MON1B: variants seen among roughly 807,000 people sequenced by gnomAD.
MON1B encodes the protein vacuolar fusion protein MON1 homolog B.
Under a neutral mutation model 45.1 loss-of-function variants are expected in MON1B, and 26 were observed. The observed-to-expected ratio is 0.58, with a 90% CI of 0.42 to 0.80. The LOEUF (loss-of-function observed/expected upper bound fraction) is 0.80, where lower values mean the gene tolerates loss of function less well. Among genes scored for constraint, MON1B ranks in the 30% least tolerant of loss-of-function variants. MON1B has a pLI of 0.00. For missense variants in MON1B, 737 were observed against 754.5 expected, an observed-to-expected ratio of 0.98 and a Z score of 0.27; for synonymous variants, 395 against 320.2, an observed-to-expected ratio of 1.23 and a Z score of -2.49.
chr16:77,194,028 C>T lies in MON1B; in HGVS notation c.475+251C>T. The T allele has an allele frequency of 1.7e-6, 1 of 600,628 alleles. No homozygotes were observed. The allele number at this position is 600,628 out of a possible 1,614,324, so 37.2% of individuals were successfully genotyped here. Reference sequence around the variant, plus strand: ...ACTTCTGTGTCACCTGAGAGGATAACTGTGGGGGCTGTGTGGTTGAGCTGT... The same window carrying T: ...ACTTCTGTGTCACCTGAGAGGATAATTGTGGGGGCTGTGTGGTTGAGCTGT... On this transcript the variant is annotated intron_variant, in intron 3 of 5. Transcript: ENST00000248248. The surrounding 1 kb of genome is among the most constrained non-coding windows in gnomAD (Gnocchi z 8.1).
chr16:77,196,287 T>C (rs1209528196), intron 5 of MON1B, among the ~76,000 whole-genome samples: 1 of 146,430 alleles, frequency 6.8e-6, no homozygotes, highest in Non-Finnish European at 1.5e-5. Flanking sequence ...AGGCTAAGAA[T>C]TTTGTTTTTA....
rs2054641024 is a variant in MON1B, at chr16:77,194,244, T to C, written c.476-91T>C. 1 of 1,163,620 alleles carries C rather than the reference T, an allele frequency of 8.6e-7. No individual in the cohort carries two copies. Among genetic ancestry groups the C allele is most frequent in the Admixed American group, 1.7e-5 (1 of 59,326 alleles). The allele number at this position is 1,163,620 out of a possible 1,614,324, so 72.1% of individuals were successfully genotyped here. A position where few individuals can be genotyped will look rare whatever the true frequency, so the allele number is the denominator to read the frequency against. On this transcript the variant is annotated intron_variant, in intron 3 of 5. Transcript: ENST00000248248. This position sits in a 1 kb window ranked among gnomAD's most constrained non-coding sequence, Gnocchi z 8.1. ...CATGTGGACTCGGGCCTGGTGTGTGTATGGTAGGAGAGGGCAGAAGAGCCC... is the reference window on the plus strand; with the variant it reads ...CATGTGGACTCGGGCCTGGTGTGTGCATGGTAGGAGAGGGCAGAAGAGCCC...
chr16:77,195,144 C>T lies in MON1B; in HGVS notation c.1285C>T (p.Gln429Ter). Residue 429 changes from glutamine to a stop codon, truncating the protein, a stop_gained, in exon 4 of 6, where the codon CAG becomes TAG. Coordinates refer to ENST00000248248, the MANE Select transcript of MON1B (RefSeq NM_014940.4). LOFTEE classifies it high-confidence loss of function. ...DIPDHHRQLP[Q>*]FTSPELEAPY... The stretch of plus-strand genomic sequence containing the variant: ...CCCTGACCACCACCGCCAACTGCCC[C>T]AGTTTACCAGGTAGGCCCTGACCCT... 1.9e-6 allele frequency: 3 copies of T among 1,592,642 alleles called. No individual in the cohort carries two copies. The highest frequency in any genetic ancestry group is 2.6e-6 in the Non-Finnish European group (3 of 1,176,136).
chr16:77,191,437 C>A (rs1447980615), intron 1 of MON1B, 39 bp from the exon 2 acceptor site: 11 of 1,574,620 alleles, frequency 7.0e-6, no homozygotes, highest in Non-Finnish European at 6.0e-6. Context: ...TCAGAAGTTT[C>A]TTTCACCGCC....
Position 77,193,596 on chromosome 16 carries a change from G to A in MON1B, c.294G>A (p.Gly98=). The stretch of plus-strand genomic sequence containing the variant: ...AGAGTAGCTCTGGAGGCCAGGGCGG[G>A]GACCCCAGTGATGAGGAGTGGCGCA... The part of the protein sequence containing the change: ...SPESSSGGQG[G]DPSDEEWRSQ... The change falls in exon 3 of 6, where the codon GGG becomes GGA. Residue 98 remains glycine, a synonymous_variant. Transcript: ENST00000248248. This position sits in a 1 kb window ranked among gnomAD's most constrained non-coding sequence, Gnocchi z 5.0. The A allele has an allele frequency of 1.2e-6, 2 of 1,614,082 alleles. No individual in the cohort carries two copies. Among genetic ancestry groups the A allele is most frequent in the Non-Finnish European group, 1.7e-6 (2 of 1,179,962 alleles).
At chr16:77,196,166 G>C (rs929387361) in intron 5 of MON1B, among the ~76,000 whole-genome samples, 1 of 152,150 alleles carries the variant, frequency 6.6e-6, no homozygotes, top group African/African-American at 2.4e-5. Context: ...GTTTGCTAAA[G>C]GTCAGCTACT....
At position 77,198,298 on chromosome 16, in the gene MON1B, C is replaced by T. The variant is rs201338087; in HGVS notation, c.1634C>T (p.Thr545Ile). 7 of 1,614,108 alleles carry T rather than the reference C, an allele frequency of 4.3e-6. No homozygotes were observed. The East Asian group carries it at 8.9e-5, about 21-fold the overall frequency. ...CAAGCTGCCCATAATGGCTTGTTCA[C>T]TGGACTCTGATAGTTGGAGCTCCCA... is the stretch of plus-strand genomic sequence containing the variant. ...TDQAAHNGLF[T>I]GL The change falls in exon 6 of 6, where the codon ACT becomes ATT. Residue 545 changes from threonine to isoleucine, a missense_variant. By Grantham distance (89) the Thr-to-Ile change is moderately conservative. Transcript: ENST00000248248.
In MON1B at chr16:77,194,219, C is replaced by T. The variant is rs758703767; in HGVS notation, c.476-116C>T. On this transcript the variant is annotated intron_variant, in intron 3 of 5. Coordinates refer to ENST00000248248, the MANE Select transcript of MON1B (RefSeq NM_014940.4). The surrounding 1 kb of genome is among the most constrained non-coding windows in gnomAD (Gnocchi z 8.1). ...CCAGTCCAGGTGCCCACAGAGTGAG[C>T]ATGTGGACTCGGGCCTGGTGTGTGT... is the stretch of plus-strand genomic sequence containing the variant. 4.3e-6 allele frequency: 4 copies of T among 922,708 alleles called. No homozygotes were observed. The highest frequency in any genetic ancestry group is 4.3e-4 in the Middle Eastern group (2 of 4,704). The allele number at this position is 922,708 out of a possible 1,614,324, so 57.2% of individuals were successfully genotyped here.
In MON1B at chr16:77,191,232, G is replaced by C. The variant is rs776934673; in HGVS notation, c.-37G>C. ...CGCTACGGGGAAGTAATGGTATCCG[G>C]CCAATTGAGATTCGGAGTTAAAACA... On this transcript the variant is annotated 5_prime_UTR_variant, in exon 1 of 6. Coordinates refer to ENST00000248248, the MANE Select transcript of MON1B (RefSeq NM_014940.4). 5.2e-6 allele frequency: 8 copies of C among 1,536,750 alleles called. No individual in the cohort carries two copies. In the South Asian group the frequency reaches 9.5e-5, roughly 18 times the overall value.
At chr16:77,191,758 C>T (rs1191486495) in intron 2 of MON1B, 125 bp downstream of exon 2, 5 of 1,134,858 alleles carry the variant, frequency 4.4e-6, no homozygotes, top group South Asian at 1.5e-5. Context: ...TAAACCATCG[C>T]CGGGTCAGGA....
In MON1B at chr16:77,194,886, C is replaced by T. The variant is rs533041353; in HGVS notation, c.1027C>T (p.Leu343=). ...TTTTTTCTACGCCTACGTGGCCCGCCTGGATGCTATGCCTGTCTGCCTGCT... is the reference window on the plus strand; with the variant it reads ...TTTTTTCTACGCCTACGTGGCCCGCTTGGATGCTATGCCTGTCTGCCTGCT... ...DGFFYAYVAR[L]DAMPVCLLLL... Residue 343 remains leucine, a synonymous_variant, in exon 4 of 6, where the codon CTG becomes TTG. Transcript: ENST00000248248. The surrounding 1 kb of genome is among the most constrained non-coding windows in gnomAD (Gnocchi z 8.1). 7 of 1,612,726 alleles carry T rather than the reference C, an allele frequency of 4.3e-6. No homozygotes were observed. The highest frequency in any genetic ancestry group is 2.5e-6 in the Non-Finnish European group (3 of 1,180,018).
chr16:77,191,636 A>G lies in MON1B; in HGVS notation c.148+3A>G. On this transcript the variant is annotated splice_donor_region_variant and intron_variant, in intron 2 of 5. Coordinates refer to ENST00000248248, the MANE Select transcript of MON1B (RefSeq NM_014940.4). Reference sequence around the variant, plus strand: ...AGACGAGGGCCTGGAGGAAACAGGTATGACTCCACTTAGTGGGGTCTTAAA... The same window carrying G: ...AGACGAGGGCCTGGAGGAAACAGGTGTGACTCCACTTAGTGGGGTCTTAAA... 1.2e-6 allele frequency: 2 copies of G among 1,610,620 alleles called. No individual in the cohort carries two copies. The highest frequency in any genetic ancestry group is 2.2e-5 in the East Asian group (1 of 44,816).
Position 77,198,528 on chromosome 16 carries a change from A to G in MON1B, c.*220A>G. On this transcript the variant is annotated 3_prime_UTR_variant, in exon 6 of 6. Coordinates refer to ENST00000248248, the MANE Select transcript of MON1B (RefSeq NM_014940.4). ...AGTCATGCACCTCCCCCTCTGGGGA[A>G]ATCCTTAGGCCTCCCTCTCCCTTCC... is the stretch of plus-strand genomic sequence containing the variant. The G allele has an allele frequency of 1.7e-6, 1 of 586,678 alleles. No homozygotes were observed. The highest frequency in any genetic ancestry group is 3.0e-6 in the Non-Finnish European group (1 of 329,760). The allele number at this position is 586,678 out of a possible 1,614,324, so 36.3% of individuals were successfully genotyped here. A position where few individuals can be genotyped will look rare whatever the true frequency, so the allele number is the denominator to read the frequency against.
chr16:77,196,463 G>C (rs1211548124), intron 5 of MON1B, among the ~76,000 whole-genome samples: 3 of 152,220 alleles, frequency 2.0e-5, no homozygotes, highest in Middle Eastern at 3.4e-3. Context: ...TACATTTATT[G>C]GCTGGGATTT....
At position 77,198,433 on chromosome 16, in the gene MON1B, C is replaced by G; in HGVS notation, c.*125C>G. 1 of 1,120,848 alleles carries G rather than the reference C, an allele frequency of 8.9e-7. No individual in the cohort carries two copies. Among genetic ancestry groups the G allele is most frequent in the Non-Finnish European group, 1.3e-6 (1 of 775,496 alleles). 69.4% of individuals were successfully genotyped at this position (1,120,848 alleles called of 1,614,324 possible). A position where few individuals can be genotyped will look rare whatever the true frequency, so the allele number is the denominator to read the frequency against. Reference sequence around the variant, plus strand: ...GTCATTGTCTCCCTAAGCAATGGGGCAAGGTCTGAGGGCCCACCGATGAGA... The same window carrying G: ...GTCATTGTCTCCCTAAGCAATGGGGGAAGGTCTGAGGGCCCACCGATGAGA... On this transcript the variant is annotated 3_prime_UTR_variant, in exon 6 of 6. Transcript: ENST00000248248.
At position 77,193,332 on chromosome 16, in the gene MON1B, G is replaced by T. The variant is rs1367897585; in HGVS notation, c.149-119G>T. ...CATTGAGGGGCATAGGAGACACTTG[G>T]AGTTCTGCGTCAGCATGCAGGGGTC... On this transcript the variant is annotated intron_variant, in intron 2 of 5. Coordinates refer to ENST00000248248, the MANE Select transcript of MON1B (RefSeq NM_014940.4). The surrounding 1 kb of genome is among the most constrained non-coding windows in gnomAD (Gnocchi z 5.0). 4.2e-6 allele frequency: 4 copies of T among 949,224 alleles called. No homozygotes were observed. The highest frequency in any genetic ancestry group is 1.7e-5 in the African/African-American group (1 of 60,404). The allele number at this position is 949,224 out of a possible 1,614,324, so 58.8% of individuals were successfully genotyped here.
rs996163320 is a variant in MON1B at position 77,201,301 on chromosome 16, C to G, written c.*2993C>G. The G allele has an allele frequency of 2.6e-5, 4 of 152,110 alleles. No individual in the cohort carries two copies. The highest frequency in any genetic ancestry group is 9.7e-5 in the African/African-American group (4 of 41,420). 9.4% of individuals were successfully genotyped at this position (152,110 alleles called of 1,614,324 possible). ...GATCTCATTTATTAACTGTGTAATG[C>G]AGCTGCCACTGCAATTAAAAAAAAA... On this transcript the variant is annotated 3_prime_UTR_variant, in exon 6 of 6. Transcript: ENST00000248248.
Position 77,199,258 on chromosome 16 carries a change from C to T in MON1B, c.*950C>T. ...TCTGCCCTTGTTTGTGGAGTTACAG[C>T]CTCAAGGTTGTAGCATGTGTGCTGG... On this transcript the variant is annotated 3_prime_UTR_variant, in exon 6 of 6. Transcript: ENST00000248248. 1.7e-6 allele frequency: 1 copy of T among 586,414 alleles called. No homozygotes were observed. 36.3% of individuals were successfully genotyped at this position (586,414 alleles called of 1,614,324 possible).
chr16:77,194,331 C>G lies in MON1B; in HGVS notation c.476-4C>G. The G allele has an allele frequency of 6.2e-7, 1 of 1,602,748 alleles. No homozygotes were observed. The highest frequency in any genetic ancestry group is 8.5e-7 in the Non-Finnish European group (1 of 1,179,656). On this transcript the variant is annotated splice_polypyrimidine_tract_variant and splice_region_variant and intron_variant, in intron 3 of 5. Transcript: ENST00000248248. The surrounding 1 kb of genome is among the most constrained non-coding windows in gnomAD (Gnocchi z 8.1). ...CCCCCCCTTCTTACCCCTTCCTTCC[C>G]TAGAGGACCACAAGCTGGTGTTCCT... is the stretch of plus-strand genomic sequence containing the variant.
Sources: gnomAD v4.1 joint callset for allele counts (sites outside exome capture counted in the v4.1 genomes callset) on GRCh38, gnomAD v4.1.1 for gene constraint, Gnocchi (gnomAD v3.1) non-coding constraint, MANE v1.5 for transcripts, NCBI Gene and HGNC (gene_info 2026-07-23, HGNC 2026-07-21) for gene names.